Variants in STK3 observed in about 807,000 individuals in gnomAD.
The protein encoded by STK3 is serine/threonine kinase 3.
In STK3, 41 loss-of-function variants were observed where a neutral mutation model predicts 58.0. The observed-to-expected ratio is 0.71, with a 90% confidence interval of 0.55 to 0.92. The LOEUF (loss-of-function observed/expected upper bound fraction) is 0.92, where lower values mean the gene tolerates loss of function less well. Ranked by LOEUF, STK3 falls within the 40% of genes least tolerant of loss-of-function variation. The pLI is 0.00. For missense variants in STK3, 479 were observed against 602.7 expected, an observed-to-expected ratio of 0.79 and a Z score of 2.15; for synonymous variants, 170 against 191.0, an observed-to-expected ratio of 0.89 and a Z score of 0.91.
At chr8:98,723,022 A>G (rs2131197583) in intron 4 of STK3, 1 of 350,064 alleles carries the variant, frequency 2.9e-6, no homozygotes, top group East Asian at 8.1e-5. Flanking sequence ...AATACAAAAT[A>G]TTTTATCAAC....
At chr8:98,818,164 A>G (rs538502466) in intron 1 of STK3, among the ~76,000 whole-genome samples, 1 of 152,304 alleles carries the variant, frequency 6.6e-6, no homozygotes, top group Admixed American at 6.5e-5. Context: ...CAACTTAAAT[A>G]TCACCTTCTC....
intron 1 of STK3, chr8:98,438,650 G>A (rs189350408): frequency 6.6e-6 from 1 of 152,230 alleles, no homozygotes. Flanking sequence ...ATGCATATGT[G>A]TGTGTGTGCC....
intron 6 of STK3, among the ~76,000 whole-genome samples, chr8:98,672,458 T>C (rs1355155596): frequency 6.6e-6 from 1 of 152,218 alleles, no homozygotes; most frequent in Non-Finnish European, 1.5e-5. Context: ...ATATCTGATA[T>C]TACAATAAAA....
At chr8:98,574,869 T>A (rs1460476798) in intron 8 of STK3, among the ~76,000 whole-genome samples, 1 of 152,112 alleles carries the variant, frequency 6.6e-6, no homozygotes, top group Non-Finnish European at 1.5e-5. Flanking sequence ...TTAGTTTTAA[T>A]GAAGAAACTT....
intron 6 of STK3, among the ~76,000 whole-genome samples, chr8:98,676,712 C>T (rs1352619157): frequency 6.6e-6 from 1 of 151,930 alleles, no homozygotes; most frequent in Non-Finnish European, 1.5e-5. Flanking sequence ...ATGGTAGTGA[C>T]GGCTGTACAA....
intron 1 of STK3, among the ~76,000 whole-genome samples, chr8:98,448,210 C>G (rs1010415920): frequency 3.3e-5 from 5 of 152,020 alleles, no homozygotes; most frequent in Non-Finnish European, 7.4e-5. Flanking sequence ...TTAAAGATGA[C>G]ATGCTAAGCA....
intron 4 of STK3, among the ~76,000 whole-genome samples, chr8:98,718,807 A>G (rs911022022): frequency 6.6e-6 from 1 of 152,042 alleles, no homozygotes; most frequent in African/African-American, 2.4e-5. Flanking sequence ...AATATGTGTG[A>G]TACATTATGA....
intron 3 of STK3, among the ~76,000 whole-genome samples, chr8:98,755,344 T>G (rs569431185): frequency 6.6e-6 from 1 of 152,236 alleles, no homozygotes; most frequent in East Asian, 1.9e-4. Context: ...GGAAGTAAAC[T>G]CACAAATAAA....
At chr8:98,451,423 C>A (rs575284142), downstream of STK3, among the ~76,000 whole-genome samples, 97 of 152,226 alleles carry the variant, frequency 6.4e-4, no homozygotes, top group Non-Finnish European at 1.3e-3. Flanking sequence ...TCACTTGAGG[C>A]CTGTTGCAGG....
chr8:98,825,117 A>G (rs1010015569), intron 1 of STK3, among the ~76,000 whole-genome samples: 3 of 152,218 alleles, frequency 2.0e-5, no homozygotes, highest in Admixed American at 1.3e-4. Context: ...TAAACTTCCC[A>G]CTGTCTTGCA....
chr8:98,512,201 T>C (rs1229102520), intron 10 of STK3, among the ~76,000 whole-genome samples: 2 of 151,718 alleles, frequency 1.3e-5, no homozygotes, highest in Non-Finnish European at 2.9e-5. Context: ...AATTCCCACC[T>C]ATGAGTGAGA....
chr8:98,711,015 A>G (rs893660058), intron 4 of STK3, among the ~76,000 whole-genome samples: 3 of 152,140 alleles, frequency 2.0e-5, no homozygotes, highest in African/African-American at 4.8e-5. Context: ...CATTGCTCAT[A>G]CCCAGGCAAA....
At chr8:98,580,040 A>G (rs1813740720) in intron 7 of STK3, among the ~76,000 whole-genome samples, 1 of 152,184 alleles carries the variant, frequency 6.6e-6, no homozygotes, top group South Asian at 2.1e-4. Flanking sequence ...TAATAAAACT[A>G]TAATATCCTT....
intron 4 of STK3, among the ~76,000 whole-genome samples, chr8:98,710,713 G>C (rs539058773): frequency 3.9e-5 from 6 of 152,346 alleles, no homozygotes; most frequent in African/African-American, 1.4e-4. Context: ...CCACCTCTGG[G>C]GGCAGGGCAT....
chr8:98,938,762 A>G (rs180861669), intron 1 of STK3, among the ~76,000 whole-genome samples: 148 of 152,286 alleles, frequency 9.7e-4, no homozygotes, highest in Admixed American at 2.9e-3. Context: ...GAGGGTTGGC[A>G]AGGTGTGGGC....
At position 98,625,658 on chromosome 8, in the gene STK3, GT is replaced by G. The variant is rs537643864; in HGVS notation, c.685-29490del. ...ATCTGTGCTTAAACCTCCCAAGTGT[GT>G]TTGGCTTAAAAATTGAAACGAATCT... On this transcript the variant is annotated intron_variant, in intron 6 of 10. Transcript: ENST00000419617. Among the ~76,000 whole-genome samples, 446 of 152,300 alleles carry G rather than the reference GT, an allele frequency of 2.9e-3. 1 individual carries two copies. Among genetic ancestry groups the G allele is most frequent in the Non-Finnish European group, 4.4e-3 (298 of 68,026 alleles).
chr8:98,365,249 A>G, the STK3 span, among the ~76,000 whole-genome samples: 3 of 152,214 alleles, frequency 2.0e-5, no homozygotes, highest in Non-Finnish European at 4.4e-5. Context: ...TTTGCTTTTA[A>G]TATCACGCTT....
chr8:98,610,259 A>G (rs970459833), intron 6 of STK3, among the ~76,000 whole-genome samples: 3 of 152,192 alleles, frequency 2.0e-5, no homozygotes, highest in African/African-American at 4.8e-5. Context: ...GATTCATGTA[A>G]TGTAACTTAG....
chr8:98,413,501 TGTGACACTA>T, intron 3 of STK3: 1 of 628,388 alleles, frequency 1.6e-6, no homozygotes. Flanking sequence ...GAAGTCCATT[TGTGACACTA>T]GTGACACTTA....
Sources: gnomAD v4.1 joint callset for allele counts (sites outside exome capture counted in the v4.1 genomes callset) on GRCh38, gnomAD v4.1.1 for gene constraint, MANE v1.5 for transcripts, NCBI Gene and HGNC (gene_info 2026-07-23, HGNC 2026-07-21) for gene names.